The following MRPS5 variants were observed in gnomAD, a reference collection of about 807,000 sequenced individuals.
The protein encoded by MRPS5 is mitochondrial ribosomal protein S5.
Under a neutral mutation model 51.9 loss-of-function variants are expected in MRPS5, and 27 were observed. That is an observed-to-expected ratio of 0.52 (90% CI 0.38 to 0.72). MRPS5 has a LOEUF of 0.72. MRPS5 is among the 30% of genes least tolerant of loss of function. MRPS5 has a pLI of 0.00. For synonymous variants in MRPS5, 196 were observed against 193.2 expected (o/e 1.01, Z -0.12); for missense variants, 570 against 545.7 (o/e 1.04, Z -0.44).
At chr2:95,096,184 C>T (rs1675621268) in intron 10 of MRPS5, among the ~76,000 whole-genome samples, 1 of 152,122 alleles carries the variant, frequency 6.6e-6, no homozygotes, top group Admixed American at 6.6e-5. Context: ...GAAATTGAGG[C>T]AATAATTAAT....
chr2:95,097,519 G>A (rs1175032371), intron 10 of MRPS5, among the ~76,000 whole-genome samples: 3 of 152,048 alleles, frequency 2.0e-5, no homozygotes. Flanking sequence ...CAATGGAATC[G>A]AACAGAGGCC....
chr2:95,110,668 GGCATGT>G (rs1320190030), intron 3 of MRPS5, among the ~76,000 whole-genome samples: 3 of 152,138 alleles, frequency 2.0e-5, no homozygotes, highest in Non-Finnish European at 4.4e-5. Flanking sequence ...CAGGTGTGAT[GGCATGT>G]GCCCATGGTC....
chr2:95,089,516 G>A (rs1455602505), intron 11 of MRPS5, among the ~76,000 whole-genome samples: 5 of 152,312 alleles, frequency 3.3e-5, no homozygotes, highest in South Asian at 2.1e-4. Flanking sequence ...ATGGGGGCCC[G>A]GTGCAGTCAC....
At chr2:95,098,311 A>C (rs1392520878) in intron 10 of MRPS5, among the ~76,000 whole-genome samples, 2 of 152,180 alleles carry the variant, frequency 1.3e-5, no homozygotes, top group Non-Finnish European at 2.9e-5. Flanking sequence ...AACTAGAAAT[A>C]CCATTTGACC....
intron 1 of MRPS5, among the ~76,000 whole-genome samples, chr2:95,121,232 G>C (rs1485539423): frequency 6.6e-6 from 1 of 152,228 alleles, no homozygotes; most frequent in Non-Finnish European, 1.5e-5. Flanking sequence ...GCAGCTAAAT[G>C]AGTTTTAAAA....
chr2:95,116,774 C>T (rs1452530722), intron 2 of MRPS5, among the ~76,000 whole-genome samples: 4 of 152,192 alleles, frequency 2.6e-5, no homozygotes, highest in Admixed American at 6.5e-5. Flanking sequence ...AGGCGGGTGG[C>T]TCACTTGAGG....
chr2:95,085,665 G>A lies in MRPS5; in HGVS notation c.*1692C>T, dbSNP rs1044646081. 1.3e-5 allele frequency among the ~76,000 whole-genome samples: 2 copies of A among 152,116 alleles called. No homozygotes were observed. The highest frequency in any genetic ancestry group is 1.3e-4 in the Admixed American group (2 of 15,272). ...CCTCAGCAGAGGTCCCGAGGACAGC[G>A]ACAGGAGGAAACCTGGATCTCCATC... On this transcript the variant is annotated 3_prime_UTR_variant, in exon 12 of 12. Coordinates refer to ENST00000272418, the MANE Select transcript of MRPS5 (RefSeq NM_031902.5).
intron 5 of MRPS5, among the ~76,000 whole-genome samples, chr2:95,107,301 C>T (rs775878856): frequency 2.6e-5 from 4 of 152,120 alleles, no homozygotes; most frequent in Admixed American, 6.5e-5. Flanking sequence ...TCTCACTCTC[C>T]GCAGATGATT....
chr2:95,090,539 C>T lies in MRPS5; in HGVS notation c.932-17G>A, dbSNP rs1442633658. On this transcript the variant is annotated splice_polypyrimidine_tract_variant and intron_variant, in intron 10 of 11. Transcript: ENST00000272418. ...GGCCGTAACCTAGAAAAGGAGAAACCGGGTGAAACACAGCCCACTCGCCTG... is the reference window on the plus strand; with the variant it reads ...GGCCGTAACCTAGAAAAGGAGAAACTGGGTGAAACACAGCCCACTCGCCTG... 11 of 1,613,774 alleles carry T rather than the reference C, an allele frequency of 6.8e-6. No individual in the cohort carries two copies. Among genetic ancestry groups the T allele is most frequent in the Non-Finnish European group, 7.6e-6 (9 of 1,179,804 alleles).
rs557699766 is a variant in MRPS5 at position 95,097,376 on chromosome 2, A to G, written c.931+3098T>C. On this transcript the variant is annotated intron_variant, in intron 10 of 11. Coordinates refer to ENST00000272418, the MANE Select transcript of MRPS5 (RefSeq NM_031902.5). ...TATGGAGCATATGGAACCAAAAAAG[A>G]GCCCGCATTGCCAAGACAATCCTAA... 5.8e-4 allele frequency among the ~76,000 whole-genome samples: 89 copies of G among 152,348 alleles called. 1 individual carries two copies. In the East Asian group the frequency reaches 0.016, roughly 27 times the overall value.
intron 1 of MRPS5, among the ~76,000 whole-genome samples, chr2:95,118,941 T>C (rs1676365558): frequency 6.6e-6 from 1 of 152,310 alleles, no homozygotes; most frequent in African/African-American, 2.4e-5. Context: ...GATTTTGCAA[T>C]GGCTTCTTAG....
chr2:95,098,306 G>A (rs1461152911), intron 10 of MRPS5, among the ~76,000 whole-genome samples: 1 of 152,166 alleles, frequency 6.6e-6, no homozygotes, highest in African/African-American at 2.4e-5. Context: ...TCTAGAACTA[G>A]AAATACCATT....
chr2:95,089,973 C>A (rs1244687681), intron 11 of MRPS5, among the ~76,000 whole-genome samples: 2 of 151,584 alleles, frequency 1.3e-5, no homozygotes, highest in African/African-American at 4.8e-5. Flanking sequence ...GTCAGGAGAT[C>A]GAGACCATCC....
At chr2:95,117,691 T>C (rs986132554) in intron 2 of MRPS5, among the ~76,000 whole-genome samples, 174 bp downstream of exon 2, 15 of 151,426 alleles carry the variant, frequency 9.9e-5, no homozygotes, top group Non-Finnish European at 2.1e-4. Context: ...TCAGAACCTA[T>C]GTAATCGCAT....
intron 5 of MRPS5, chr2:95,106,802 C>T (rs559494898): frequency 5.0e-5 from 17 of 343,266 alleles, no homozygotes; most frequent in African/African-American, 2.9e-4. Context: ...ATCATTTCCA[C>T]GAAACTTTGT....
chr2:95,121,807 G>A lies in MRPS5; in HGVS notation c.-16C>T. The A allele has an allele frequency of 6.5e-7, 1 of 1,535,022 alleles. No homozygotes were observed. Among genetic ancestry groups the A allele is most frequent in the South Asian group, 1.2e-5 (1 of 83,526 alleles). On this transcript the variant is annotated 5_prime_UTR_variant, in exon 1 of 12. Coordinates refer to ENST00000272418, the MANE Select transcript of MRPS5 (RefSeq NM_031902.5). ...CGGTCGCCATGCTGGAGTCCGAGCC[G>A]CGCCTCGGCCTCCGCCCAGGGCAGC...
chr2:95,119,542 G>A (rs752765620), intron 1 of MRPS5, among the ~76,000 whole-genome samples: 1 of 151,396 alleles, frequency 6.6e-6, no homozygotes, highest in Non-Finnish European at 1.5e-5. Flanking sequence ...AGCCCAGAAG[G>A]TTGAGGCTGC....
intron 3 of MRPS5, among the ~76,000 whole-genome samples, chr2:95,113,860 G>A (rs1364673675): frequency 6.6e-6 from 1 of 151,464 alleles, no homozygotes; most frequent in East Asian, 2.0e-4. Context: ...GGTGGCTCAC[G>A]CCTGTAATCC....
intron 11 of MRPS5, 94 bp from the exon 12 acceptor site, chr2:95,087,675 G>A: frequency 1.8e-6 from 2 of 1,090,154 alleles, no homozygotes; most frequent in Non-Finnish European, 2.6e-6. Context: ...TACAGCCTGG[G>A]GGTATTCAAA....
Sources: allele counts gnomAD v4.1 joint callset (sites outside exome capture counted in the v4.1 genomes callset), GRCh38; gene constraint gnomAD v4.1.1; transcripts MANE v1.5; gene names NCBI Gene and HGNC (gene_info 2026-07-23, HGNC 2026-07-21).